PDXDC1: variants seen among roughly 807,000 people sequenced by gnomAD.
PDXDC1 encodes the protein pyridoxal-dependent decarboxylase domain-containing protein 1.
A neutral mutation model predicts 100.1 loss-of-function variants in PDXDC1; 42 were observed. That is an observed-to-expected ratio of 0.42 (90% CI 0.33 to 0.54). The LOEUF (loss-of-function observed/expected upper bound fraction) is 0.54. Among genes scored for constraint, PDXDC1 ranks in the 20% least tolerant of loss-of-function variants. The probability of loss-of-function intolerance (pLI) is 0.10; values close to 1 mark genes in which losing one functional copy is unlikely to be tolerated. For synonymous variants in PDXDC1, 260 were observed against 371.7 expected (o/e 0.70, Z 3.46); for missense variants, 636 against 979.2 (o/e 0.65, Z 4.68).
chr16:15,148,911 CTTGTCCACATTT>C, the PDXDC1 span, among the ~76,000 whole-genome samples: 1 of 152,174 alleles, frequency 6.6e-6, no homozygotes, highest in East Asian at 1.9e-4. Context: ...CGTGTGACTT[CTTGTCCACATTT>C]TTGTCCACAA....
At chr16:15,021,011 C>CACAA (rs1555562306) in intron 12 of PDXDC1, among the ~76,000 whole-genome samples, 1 of 145,738 alleles carries the variant, frequency 6.9e-6, no homozygotes, top group Non-Finnish European at 1.5e-5. Context: ...CACACACACA[C>CACAA]GAAAAGTATT....
chr16:14,984,975 A>G (rs1343789068), intron 1 of PDXDC1, among the ~76,000 whole-genome samples: 4 of 152,046 alleles, frequency 2.6e-5, no homozygotes, highest in African/African-American at 9.7e-5. Context: ...CCTGGGTTCA[A>G]GCGATTCTCC....
intron 16 of PDXDC1, among the ~76,000 whole-genome samples, chr16:15,080,902 C>A (rs1846830563): frequency 6.6e-6 from 1 of 151,766 alleles, no homozygotes; most frequent in African/African-American, 2.4e-5. Context: ...ACATGTAAAC[C>A]ATTCCTCTCA....
chr16:15,007,229 G>A (rs897271467), intron 6 of PDXDC1, among the ~76,000 whole-genome samples: 11 of 146,056 alleles, frequency 7.5e-5, no homozygotes, highest in African/African-American at 2.8e-4. Flanking sequence ...GGAGTGCAGT[G>A]GCGTGATCTC....
intron 1 of PDXDC1, among the ~76,000 whole-genome samples, chr16:14,984,309 C>T (rs1366764063): frequency 6.8e-6 from 1 of 147,644 alleles, no homozygotes; most frequent in African/African-American, 2.5e-5. Flanking sequence ...ATCCCTGCAC[C>T]CCCGCCTTTT....
chr16:14,993,371 C>T (rs1434521399), intron 1 of PDXDC1, among the ~76,000 whole-genome samples: 16 of 149,598 alleles, frequency 1.1e-4, no homozygotes, highest in African/African-American at 3.7e-4. Flanking sequence ...CATTTCCCAC[C>T]TATGAGTGAG....
intron 16 of PDXDC1, among the ~76,000 whole-genome samples, chr16:15,055,256 A>G (rs1483245302): frequency 6.6e-6 from 1 of 152,214 alleles, no homozygotes; most frequent in Non-Finnish European, 1.5e-5. Context: ...TCAGAGATCT[A>G]TTTGAGCACA....
intron 16 of PDXDC1, chr16:15,130,781 C>T (rs1210134739): frequency 6.6e-6 from 7 of 1,066,296 alleles, no homozygotes; most frequent in South Asian, 1.2e-5. Context: ...GTTCCTCAGA[C>T]AGGTAGCGGC....
At chr16:15,069,349 C>T (rs1338867589) in intron 16 of PDXDC1, among the ~76,000 whole-genome samples, 1 of 151,686 alleles carries the variant, frequency 6.6e-6, no homozygotes, top group Non-Finnish European at 1.5e-5. Flanking sequence ...GGTTCAGAGA[C>T]CCCGGTTTAG....
intron 1 of PDXDC1, among the ~76,000 whole-genome samples, chr16:14,982,637 G>A (rs1311860909): frequency 1.3e-5 from 2 of 152,266 alleles, no homozygotes; most frequent in African/African-American, 4.8e-5. Context: ...ACTTACAAAT[G>A]TAGAAACTGA....
chr16:14,990,329 A>G (rs943999299), intron 1 of PDXDC1, among the ~76,000 whole-genome samples: 2 of 152,232 alleles, frequency 1.3e-5, no homozygotes, highest in African/African-American at 4.8e-5. Flanking sequence ...TCCTTCTCCT[A>G]CAATTTAATT....
downstream of PDXDC1, among the ~76,000 whole-genome samples, chr16:15,041,416 C>A (rs565231910): frequency 6.6e-6 from 1 of 151,956 alleles, no homozygotes; most frequent in Non-Finnish European, 1.5e-5. Context: ...TCCTGGTAGA[C>A]GAGGGGGCTG....
At chr16:15,063,829 G>A (rs1357883481) in intron 16 of PDXDC1, among the ~76,000 whole-genome samples, 6 of 151,842 alleles carry the variant, frequency 4.0e-5, no homozygotes, top group African/African-American at 1.2e-4. Context: ...TTGAACTACC[G>A]TTTTTCATCT....
In PDXDC1 at chr16:15,001,719, G is replaced by C. The variant is rs557997248; in HGVS notation, c.162-57G>C. 84 of 1,444,702 alleles carry C rather than the reference G, an allele frequency of 5.8e-5. 2 individuals carry two copies. In the South Asian group the frequency reaches 1.1e-3, roughly 19 times the overall value. The allele number at this position is 1,444,702 out of a possible 1,614,324, so 89.5% of individuals were successfully genotyped here. ...TAGTTGAATGAGGGAAGTAGCGGGA[G>C]AGTGGCGGGGGATGTGTGCTGTTCC... On this transcript the variant is annotated intron_variant, in intron 3 of 22. Transcript: ENST00000396410.
intron 1 of PDXDC1, among the ~76,000 whole-genome samples, chr16:14,991,294 T>A (rs1334974587): frequency 6.8e-6 from 1 of 146,850 alleles, no homozygotes; most frequent in Non-Finnish European, 1.5e-5. Flanking sequence ...TGTGTGTGTG[T>A]GTGTGTGTGT....
chr16:15,038,472 C>G (rs2043647743), downstream of PDXDC1: 1 of 709,108 alleles, frequency 1.4e-6, no homozygotes, highest in African/African-American at 1.8e-5. Context: ...TACTACCCGC[C>G]AAAGGGAAAG....
chr16:15,132,517 C>T (rs2048154594), intron 16 of PDXDC1, among the ~76,000 whole-genome samples: 1 of 150,520 alleles, frequency 6.6e-6, no homozygotes, highest in South Asian at 2.1e-4. Flanking sequence ...CACCCTGGGT[C>T]CCCCGAGAGG....
intron 16 of PDXDC1, chr16:15,044,911 A>C (rs185287687): frequency 6.5e-6 from 1 of 153,112 alleles, no homozygotes; most frequent in Non-Finnish European, 1.5e-5. Flanking sequence ...GCTTGAGCTC[A>C]GGAGTTTGCA....
At chr16:15,071,037 T>C (rs1300153755) in intron 16 of PDXDC1, 2 of 1,196,302 alleles carry the variant, frequency 1.7e-6, no homozygotes, top group Admixed American at 4.7e-5. Flanking sequence ...CCAAAAAAAA[T>C]GGGAGATATT....
Sources: gnomAD v4.1 joint callset for allele counts (sites outside exome capture counted in the v4.1 genomes callset) on GRCh38, gnomAD v4.1.1 for gene constraint, MANE v1.5 for transcripts, NCBI Gene and HGNC (gene_info 2026-07-23, HGNC 2026-07-21) for gene names.